The following DUSP22 variants were observed in gnomAD, a reference collection of about 807,000 sequenced individuals.
DUSP22 encodes dual specificity protein phosphatase 22.
In DUSP22, 24 loss-of-function variants were observed where a neutral mutation model predicts 24.5. That is an observed-to-expected ratio of 0.98 (90% CI 0.71 to 1.38). The LOEUF (loss-of-function observed/expected upper bound fraction) is 1.38, where lower values mean the gene tolerates loss of function less well. Ranked by LOEUF, DUSP22 falls within the 40% of genes most tolerant of loss-of-function variation. The pLI is 0.00. For missense variants in DUSP22, 330 were observed against 269.2 expected (o/e 1.23, Z -1.58); for synonymous variants, 160 against 106.4 (o/e 1.50, Z -3.10).
chr6:301,420 A>G (rs778833899), intron 1 of DUSP22, among the ~76,000 whole-genome samples: 114 of 152,376 alleles, frequency 7.5e-4, no homozygotes, highest in Non-Finnish European at 1.4e-3. Flanking sequence ...TCCTTCAGAG[A>G]TCGGTTGGAG....
chr6:318,919 TAAGAA>T (rs1409248320), intron 3 of DUSP22, among the ~76,000 whole-genome samples: 8 of 152,418 alleles, frequency 5.2e-5, no homozygotes, highest in East Asian at 1.9e-4. Context: ...AGTCCACTGT[TAAGAA>T]AAGGAAGCAA....
intron 1 of DUSP22, among the ~76,000 whole-genome samples, chr6:293,073 G>A (rs147729754): frequency 6.6e-6 from 1 of 152,272 alleles, no homozygotes; most frequent in Non-Finnish European, 1.5e-5. Flanking sequence ...TAAGTCCTGA[G>A]CTGTTTCTAG....
chr6:294,197 A>G (rs1254413407), intron 1 of DUSP22, among the ~76,000 whole-genome samples: 2 of 152,304 alleles, frequency 1.3e-5, no homozygotes, highest in Non-Finnish European at 2.9e-5. Flanking sequence ...TTACCTTTCA[A>G]AATGGGTAAT....
chr6:303,502 C>T (rs1757678654), intron 1 of DUSP22, among the ~76,000 whole-genome samples: 1 of 152,300 alleles, frequency 6.6e-6, no homozygotes, highest in Non-Finnish European at 1.5e-5. Context: ...TTGAAGAAAT[C>T]AGCTAACATG....
chr6:348,455 G>T lies in DUSP22; in HGVS notation c.435+181G>T, dbSNP rs1581197046. The T allele has an allele frequency of 3.8e-6, 4 of 1,061,166 alleles. No individual in the cohort carries two copies. The South Asian group carries it at 6.6e-5, about 17-fold the overall frequency. 65.7% of individuals were successfully genotyped at this position (1,061,166 alleles called of 1,614,324 possible). On this transcript the variant is annotated intron_variant, in intron 6 of 6. Coordinates refer to ENST00000419235, the MANE Select transcript of DUSP22 (RefSeq NM_001286555.3). The stretch of plus-strand genomic sequence containing the variant: ...CGTCACGATCCCTCGTGCACCTGTT[G>T]AAGCCACAGGCGCCTACCCTTTGTC...
Position 348,163 on chromosome 6 carries a change from C to T in DUSP22, c.324C>T (p.Asp108=), listed in dbSNP as rs1309090461. The change falls in exon 6 of 7, where the codon GAC becomes GAT. Residue 108 remains aspartate (D), a synonymous_variant. Coordinates refer to ENST00000419235, the MANE Select transcript of DUSP22 (RefSeq NM_001286555.3). ...TCGCATACATCATGACCGTCACTGA[C>T]TTTGGCTGGGAGGATGCCCTGCACA... The part of the protein sequence containing the change: ...LVIAYIMTVT[D]FGWEDALHTV... The T allele has an allele frequency of 1.9e-6, 3 of 1,614,188 alleles. No homozygotes were observed. In the Admixed American group the frequency reaches 5.0e-5, roughly 27 times the overall value.
At chr6:315,823 C>G (rs1758314940) in intron 3 of DUSP22, among the ~76,000 whole-genome samples, 1 of 152,310 alleles carries the variant, frequency 6.6e-6, no homozygotes, top group South Asian at 2.1e-4. Flanking sequence ...CTGTGGGTAA[C>G]AGAAGTGAGT....
intron 2 of DUSP22, among the ~76,000 whole-genome samples, chr6:305,672 G>C (rs995527094): frequency 2.6e-5 from 4 of 152,304 alleles, no homozygotes; most frequent in Non-Finnish European, 5.9e-5. Flanking sequence ...CCCCTGCCAG[G>C]TGACCTTCAG....
chr6:327,686 G>T (rs560310737), intron 3 of DUSP22, among the ~76,000 whole-genome samples: 636 of 152,232 alleles, frequency 4.2e-3, no homozygotes, highest in Non-Finnish European at 6.4e-3. Flanking sequence ...GTCTGCTAAG[G>T]GGGAGGCCGA....
chr6:348,947 C>A lies in DUSP22; in HGVS notation c.614C>A (p.Thr205Asn). The change falls in exon 7 of 7, where the codon ACC becomes AAC. Residue 205 changes from threonine to asparagine, a missense_variant. Thr to Asn is a moderately conservative substitution (Grantham distance 65, BLOSUM62 0). Coordinates refer to ENST00000419235, the MANE Select transcript of DUSP22 (RefSeq NM_001286555.3). ...ACCTACGATAATTATACGACGGAGA[C>A]CTAACGCAAGCGACCTGCTGCCTTC... The part of the protein sequence containing the change: ...PLTYDNYTTE[T>N] The A allele has an allele frequency of 6.3e-7, 1 of 1,592,534 alleles. No individual in the cohort carries two copies. Among genetic ancestry groups the A allele is most frequent in the South Asian group, 1.1e-5 (1 of 89,224 alleles).
chr6:296,115 A>T (rs567651727), intron 1 of DUSP22, among the ~76,000 whole-genome samples: 914 of 152,080 alleles, frequency 6.0e-3, no homozygotes, highest in African/African-American at 0.021. Context: ...CAAATAGCCA[A>T]AATCACCTCC....
intron 1 of DUSP22, among the ~76,000 whole-genome samples, chr6:302,712 C>A (rs568216194): frequency 6.6e-6 from 1 of 152,420 alleles, no homozygotes; most frequent in South Asian, 2.1e-4. Context: ...TCTAGAAAAT[C>A]GCCTAGTGAT....
intron 1 of DUSP22, among the ~76,000 whole-genome samples, chr6:293,223 GC>G: frequency 1.3e-5 from 2 of 152,414 alleles, no homozygotes; most frequent in South Asian, 4.1e-4. Context: ...CCGTTTCTGG[GC>G]CCCACCCTGT....
At chr6:305,967 C>A (rs1324524567) in intron 2 of DUSP22, among the ~76,000 whole-genome samples, 4 of 152,310 alleles carry the variant, frequency 2.6e-5, no homozygotes, top group Non-Finnish European at 5.9e-5. Flanking sequence ...TCCACACACA[C>A]ACCCGTATCC....
intron 3 of DUSP22, among the ~76,000 whole-genome samples, chr6:318,389 G>T (rs1262606104): frequency 6.6e-6 from 1 of 152,312 alleles, no homozygotes; most frequent in Non-Finnish European, 1.5e-5. Context: ...AGGACATTCA[G>T]GGCACAGGGA....
At chr6:321,794 A>G (rs1362678943) in intron 3 of DUSP22, among the ~76,000 whole-genome samples, 1 of 152,312 alleles carries the variant, frequency 6.6e-6, no homozygotes, top group Non-Finnish European at 1.5e-5. Context: ...ACGTCTTCAA[A>G]ATACAGAAAG....
intron 4 of DUSP22, among the ~76,000 whole-genome samples, chr6:345,265 A>G (rs1759807134): frequency 6.7e-6 from 1 of 149,996 alleles, no homozygotes; most frequent in Non-Finnish European, 1.5e-5. Context: ...GCTGGAGTGC[A>G]GTCGTGTGAT....
intron 6 of DUSP22, 92 bp from the exon 7 acceptor site, chr6:348,677 C>A: frequency 6.4e-7 from 1 of 1,566,548 alleles, no homozygotes. Flanking sequence ...ATGTGTGGCA[C>A]CATCTCTGTG....
intron 4 of DUSP22, among the ~76,000 whole-genome samples, chr6:343,908 A>G (rs1418191560): frequency 6.6e-6 from 1 of 152,308 alleles, no homozygotes; most frequent in Non-Finnish European, 1.5e-5. Context: ...GCAAATTGTC[A>G]GTACTCAGTC....
Sources: gnomAD v4.1 joint callset for allele counts (sites outside exome capture counted in the v4.1 genomes callset) on GRCh38, gnomAD v4.1.1 for gene constraint, MANE v1.5 for transcripts, NCBI Gene and HGNC (gene_info 2026-07-23, HGNC 2026-07-21) for gene names.